The following PAG1 variants were observed in gnomAD, a reference collection of about 807,000 sequenced individuals.
The protein encoded by PAG1 is phosphoprotein associated with glycosphingolipid-enriched microdomains 1.
Under a neutral mutation model 31.7 loss-of-function variants are expected in PAG1, and 23 were observed. That is an observed-to-expected ratio of 0.73 (90% confidence interval 0.52 to 1.03). The LOEUF (loss-of-function observed/expected upper bound fraction) is 1.03, where lower values mean the gene tolerates loss of function less well. Among genes scored for constraint, PAG1 ranks in the 50% least tolerant of loss-of-function variants. PAG1 has a pLI of 0.00. For synonymous variants in PAG1, 214 were observed against 210.3 expected (o/e 1.02, Z -0.15); for missense variants, 473 against 540.7 (o/e 0.87, Z 1.24).
Position 80,980,435 on chromosome 8 carries a change from C to T in PAG1, c.936G>A (p.Glu312=). 5 of 1,575,550 alleles carry T rather than the reference C, an allele frequency of 3.2e-6. No homozygotes were observed. In the African/African-American group the frequency reaches 6.7e-5, roughly 21 times the overall value. The stretch of plus-strand genomic sequence containing the variant: ...CTTTTTAAAAAGAAACAAAACTTAC[C>T]TCTTCTTCTGTGAGAGTGGGGTCTT... ...REEDPTLTEE[E]ISAMYSSVNK... The change falls in exon 8 of 9, where the codon GAG becomes GAA. Residue 312 remains glutamate (E), a splice_region_variant and synonymous_variant. Transcript: ENST00000220597.
intron 1 of PAG1, among the ~76,000 whole-genome samples, chr8:81,087,333 C>A (rs534124853): frequency 7.9e-6 from 1 of 127,160 alleles, no homozygotes; most frequent in African/African-American, 3.2e-5. Flanking sequence ...ACAGATGAGA[C>A]TCTGTCTCAA....
rs1807063136 is a variant in PAG1, at chr8:80,970,881, C to T, written c.*5663G>A. ...TCTGTGATATGGCAGCACTGTGATCCGTACTGGAAAGACATAATGGCATGT... is the reference window on the plus strand; with the variant it reads ...TCTGTGATATGGCAGCACTGTGATCTGTACTGGAAAGACATAATGGCATGT... On this transcript the variant is annotated 3_prime_UTR_variant, in exon 9 of 9. Coordinates refer to ENST00000220597, the MANE Select transcript of PAG1 (RefSeq NM_018440.4). 1.3e-5 allele frequency: 2 copies of T among 152,600 alleles called. No individual in the cohort carries two copies. Among genetic ancestry groups the T allele is most frequent in the African/African-American group, 2.4e-5 (1 of 41,408 alleles). The allele number at this position is 152,600 out of a possible 1,614,324, so 9.5% of individuals were successfully genotyped here.
rs1222042903 is a variant in PAG1 at position 80,969,094 on chromosome 8, T to A, written c.*7450A>T. On this transcript the variant is annotated 3_prime_UTR_variant, in exon 9 of 9. Coordinates refer to ENST00000220597, the MANE Select transcript of PAG1 (RefSeq NM_018440.4). ...GTAAGGTTCAGCTTTCCTGATGCTTTTCACATTGCTTCTCCTCAAGACATG... is the reference window on the plus strand; with the variant it reads ...GTAAGGTTCAGCTTTCCTGATGCTTATCACATTGCTTCTCCTCAAGACATG... 2 of 152,266 alleles carry A rather than the reference T, an allele frequency of 1.3e-5. No individual in the cohort carries two copies. Among genetic ancestry groups the A allele is most frequent in the Non-Finnish European group, 2.9e-5 (2 of 68,046 alleles). 9.4% of individuals were successfully genotyped at this position (152,266 alleles called of 1,614,324 possible).
intron 3 of PAG1, among the ~76,000 whole-genome samples, chr8:80,999,646 C>T (rs976687121): frequency 5.9e-5 from 9 of 152,156 alleles, no homozygotes; most frequent in African/African-American, 2.2e-4. Flanking sequence ...CCAAACCTAT[C>T]GATCTGCACA....
chr8:80,993,723 C>A (rs906320235), intron 3 of PAG1, among the ~76,000 whole-genome samples: 1 of 151,992 alleles, frequency 6.6e-6, no homozygotes, highest in Non-Finnish European at 1.5e-5. Flanking sequence ...GAACCACCCC[C>A]CTGCCCCCCA....
chr8:81,085,044 T>C (rs188211284), intron 1 of PAG1, among the ~76,000 whole-genome samples: 1 of 152,324 alleles, frequency 6.6e-6, no homozygotes, highest in East Asian at 1.9e-4. Context: ...TTCAAATTGA[T>C]GAACGCACTT....
intron 2 of PAG1, among the ~76,000 whole-genome samples, chr8:81,030,679 G>A (rs983193908): frequency 2.0e-5 from 3 of 152,110 alleles, no homozygotes; most frequent in Non-Finnish European, 4.4e-5. Context: ...AGGCTACATG[G>A]GCGACTTCCC....
chr8:81,058,899 A>G (rs937802370), intron 2 of PAG1, among the ~76,000 whole-genome samples: 5 of 152,214 alleles, frequency 3.3e-5, no homozygotes, highest in African/African-American at 1.2e-4. Context: ...CCTGTCTCAA[A>G]AAATAAAATG....
At chr8:81,083,427 C>G (rs528294205) in intron 1 of PAG1, among the ~76,000 whole-genome samples, 23 of 152,132 alleles carry the variant, frequency 1.5e-4, no homozygotes, top group Non-Finnish European at 3.4e-4. Context: ...AGCCTTGGCT[C>G]CCTACTCAGT....
intron 3 of PAG1, among the ~76,000 whole-genome samples, chr8:81,018,040 G>A (rs1563631070): frequency 6.6e-6 from 1 of 152,076 alleles, no homozygotes; most frequent in Non-Finnish European, 1.5e-5. Flanking sequence ...TTCTTATAAA[G>A]GACAATGACT....
intron 2 of PAG1, among the ~76,000 whole-genome samples, chr8:81,040,318 C>T (rs1042830978): frequency 2.0e-5 from 3 of 152,202 alleles, no homozygotes; most frequent in Non-Finnish European, 4.4e-5. Context: ...GCTGTAATCA[C>T]ACGGCTATCT....
At chr8:81,000,453 C>T (rs978263882) in intron 3 of PAG1, among the ~76,000 whole-genome samples, 3 of 152,098 alleles carry the variant, frequency 2.0e-5, no homozygotes, top group Admixed American at 6.5e-5. Flanking sequence ...CTTCCTCTGT[C>T]GCCCAGGCTG....
At chr8:81,019,266 C>T (rs7833012) in intron 3 of PAG1, among the ~76,000 whole-genome samples, 1 of 152,212 alleles carries the variant, frequency 6.6e-6, no homozygotes, top group Non-Finnish European at 1.5e-5. Flanking sequence ...AACCCATTTT[C>T]TGGGAGAAAT....
At chr8:81,103,683 C>T (rs761941966) in intron 1 of PAG1, among the ~76,000 whole-genome samples, 6 of 152,154 alleles carry the variant, frequency 3.9e-5, no homozygotes, top group Non-Finnish European at 7.4e-5. Flanking sequence ...TCCAGTGAGC[C>T]GAAAGTCTCA....
intron 2 of PAG1, among the ~76,000 whole-genome samples, chr8:81,063,201 G>A (rs1371119495): frequency 6.6e-6 from 1 of 152,182 alleles, no homozygotes; most frequent in Admixed American, 6.5e-5. Context: ...TCCTCTATTC[G>A]AGGCTCAGAT....
intron 1 of PAG1, among the ~76,000 whole-genome samples, chr8:81,086,919 C>T (rs1809368089): frequency 6.6e-6 from 1 of 152,112 alleles, no homozygotes. Context: ...TTCTCATTGC[C>T]TTTTAAAATG....
rs538432575 is a variant in PAG1, at chr8:80,990,181, G to A, written c.177+1298C>T. ...AGAGTAAAGGGAGGAGTGGTGATGA[G>A]GGCCCAGGAAAGCTGCGAAGGGTGA... is the stretch of plus-strand genomic sequence containing the variant. On this transcript the variant is annotated intron_variant, in intron 5 of 8. Coordinates refer to ENST00000220597, the MANE Select transcript of PAG1 (RefSeq NM_018440.4). This position sits in a 1 kb window ranked among gnomAD's most constrained non-coding sequence, Gnocchi z 5.1. 6.6e-6 allele frequency among the ~76,000 whole-genome samples: 1 copy of A among 152,060 alleles called. No individual in the cohort carries two copies. The highest frequency in any genetic ancestry group is 1.5e-5 in the Non-Finnish European group (1 of 67,990).
intron 2 of PAG1, chr8:81,040,725 C>T (rs1053785580): frequency 2.0e-5 from 3 of 151,966 alleles, no homozygotes; most frequent in Non-Finnish European, 4.4e-5. Flanking sequence ...TATGTATACC[C>T]CATGTTTTAC....
At chr8:81,010,958 T>G (rs1209511323) in intron 3 of PAG1, among the ~76,000 whole-genome samples, 3 of 152,214 alleles carry the variant, frequency 2.0e-5, no homozygotes, top group African/African-American at 7.2e-5. Flanking sequence ...TTCCTCCTTA[T>G]TTTTTCAGTC....
Sources: gnomAD v4.1 joint callset for allele counts (sites outside exome capture counted in the v4.1 genomes callset) on GRCh38, gnomAD v4.1.1 for gene constraint, Gnocchi (gnomAD v3.1) non-coding constraint, MANE v1.5 for transcripts, NCBI Gene and HGNC (gene_info 2026-07-23, HGNC 2026-07-21) for gene names.